Variants in SLC25A13 observed in about 807,000 individuals in gnomAD.
The protein encoded by SLC25A13 is solute carrier family 25 member 13.
Under a neutral mutation model 85.5 loss-of-function variants are expected in SLC25A13, and 70 were observed. That is an observed-to-expected ratio of 0.82 (90% CI 0.68 to 1.00). SLC25A13 has a LOEUF of 1.00. Ranked by LOEUF, SLC25A13 falls within the 50% of genes least tolerant of loss-of-function variation. SLC25A13 has a pLI of 0.00. For missense variants in SLC25A13, 765 were observed against 819.8 expected, an observed-to-expected ratio of 0.93 and a Z score of 0.82; for synonymous variants, 259 against 288.7, an observed-to-expected ratio of 0.90 and a Z score of 1.04.
At chr7:96,224,629 C>T (rs1185414048) in intron 4 of SLC25A13, among the ~76,000 whole-genome samples, 1 of 152,184 alleles carries the variant, frequency 6.6e-6, no homozygotes, top group East Asian at 1.9e-4. Context: ...ATCCAGATAG[C>T]TGGAACCAAG....
At chr7:96,291,855 A>G (rs1009960824) in intron 2 of SLC25A13, among the ~76,000 whole-genome samples, 2 of 152,234 alleles carry the variant, frequency 1.3e-5, no homozygotes, top group African/African-American at 2.4e-5. Flanking sequence ...AGGTACAAGG[A>G]GGAGCTGCTA....
At chr7:96,212,886 C>T (rs1008223341) in intron 4 of SLC25A13, among the ~76,000 whole-genome samples, 27 of 152,286 alleles carry the variant, frequency 1.8e-4, no homozygotes, top group African/African-American at 6.3e-4. Context: ...ACGAAATTTA[C>T]TTTTTACTCT....
intron 1 of SLC25A13, among the ~76,000 whole-genome samples, chr7:96,314,173 G>A (rs1323264319): frequency 6.6e-6 from 1 of 151,978 alleles, no homozygotes; most frequent in Non-Finnish European, 1.5e-5. Flanking sequence ...GGAAGAAGAA[G>A]AAGAAGCCTG....
intron 10 of SLC25A13, 168 bp from the exon 11 acceptor site, chr7:96,184,603 G>A: frequency 1.4e-6 from 1 of 701,088 alleles, no homozygotes; most frequent in South Asian, 1.9e-5. Context: ...ACAATTGAGG[G>A]TTTTCATTCA....
chr7:96,236,354 G>A (rs1796743567), intron 3 of SLC25A13, among the ~76,000 whole-genome samples: 1 of 152,048 alleles, frequency 6.6e-6, no homozygotes, highest in Admixed American at 6.5e-5. Context: ...TATGAGTCAA[G>A]CATTCCTGGC....
At chr7:96,312,960 C>G (rs997758320) in intron 1 of SLC25A13, among the ~76,000 whole-genome samples, 1 of 152,238 alleles carries the variant, frequency 6.6e-6, no homozygotes, top group Non-Finnish European at 1.5e-5. Context: ...TCTCTCCTAT[C>G]TGCCCATAAC....
intron 13 of SLC25A13, among the ~76,000 whole-genome samples, chr7:96,158,011 C>T (rs1793354898): frequency 6.6e-6 from 1 of 152,112 alleles, no homozygotes; most frequent in South Asian, 2.1e-4. Context: ...ACTGACTCAC[C>T]AAGGCTGTCT....
intron 2 of SLC25A13, among the ~76,000 whole-genome samples, chr7:96,285,523 C>T (rs1798852148): frequency 6.6e-6 from 1 of 152,134 alleles, no homozygotes; most frequent in African/African-American, 2.4e-5. Context: ...AAACGTGTTC[C>T]TTGTCGCCTC....
At chr7:96,246,497 A>G (rs1415319004) in intron 3 of SLC25A13, among the ~76,000 whole-genome samples, 1 of 143,526 alleles carries the variant, frequency 7.0e-6, no homozygotes, top group Non-Finnish European at 1.5e-5. Context: ...AGAACATGCT[A>G]TTTTCTTGCA....
At chr7:96,301,129 CT>C (rs2117004227) in intron 1 of SLC25A13, among the ~76,000 whole-genome samples, 1 of 152,272 alleles carries the variant, frequency 6.6e-6, no homozygotes, top group East Asian at 1.9e-4. Flanking sequence ...TGTAGCCACC[CT>C]TTTAAAGTCA....
chr7:96,193,893 C>T (rs924637104), intron 5 of SLC25A13, among the ~76,000 whole-genome samples: 1 of 152,172 alleles, frequency 6.6e-6, no homozygotes, highest in Non-Finnish European at 1.5e-5. Context: ...GGAGGTAAAC[C>T]TGTCATGGTA....
chr7:96,306,350 C>T lies in SLC25A13; in HGVS notation c.16-9399G>A, dbSNP rs186507202. 3.2e-3 allele frequency among the ~76,000 whole-genome samples: 484 copies of T among 152,336 alleles called. 3 individuals carry two copies. Among genetic ancestry groups the T allele is most frequent in the African/African-American group, 0.011 (458 of 41,578 alleles). On this transcript the variant is annotated intron_variant, in intron 1 of 17. Transcript: ENST00000265631. ...GGCAGGGAGCTTCCCATTTCAGATA[C>T]ACCTGTGGTTATGACAGCCCAGTGC...
chr7:96,314,932 G>A (rs1800076703), intron 1 of SLC25A13, among the ~76,000 whole-genome samples: 1 of 152,166 alleles, frequency 6.6e-6, no homozygotes, highest in African/African-American at 2.4e-5. Flanking sequence ...GGCACCACAT[G>A]GCCCTGGATG....
chr7:96,301,092 T>C (rs749687534), intron 1 of SLC25A13, among the ~76,000 whole-genome samples: 1 of 152,350 alleles, frequency 6.6e-6, no homozygotes, highest in East Asian at 1.9e-4. Context: ...GGAAGTTCTA[T>C]GAGCTGGAAA....
At chr7:96,303,448 A>G (rs1324678242) in intron 1 of SLC25A13, among the ~76,000 whole-genome samples, 4 of 152,120 alleles carry the variant, frequency 2.6e-5, no homozygotes, top group African/African-American at 9.7e-5. Flanking sequence ...CTGAGGAAAT[A>G]GTGCAGTAGA....
At chr7:96,251,503 G>T (rs1296848550) in intron 3 of SLC25A13, among the ~76,000 whole-genome samples, 2 of 152,140 alleles carry the variant, frequency 1.3e-5, no homozygotes, top group East Asian at 3.9e-4. Flanking sequence ...CCTGCGTCTG[G>T]TTATGGAGTA....
At chr7:96,262,521 T>C (rs1037697578) in intron 3 of SLC25A13, among the ~76,000 whole-genome samples, 2 of 85,818 alleles carry the variant, frequency 2.3e-5, no homozygotes, top group Non-Finnish European at 5.1e-5. Flanking sequence ...ACTCCTCAGT[T>C]TAAAAAAAAA....
intron 4 of SLC25A13, among the ~76,000 whole-genome samples, chr7:96,215,358 G>C (rs10252996): frequency 6.6e-6 from 1 of 152,154 alleles, no homozygotes; most frequent in Non-Finnish European, 1.5e-5. Flanking sequence ...GCCTCCCAAA[G>C]TGCTGGGATT....
chr7:96,137,510 A>G (rs1792336763), intron 14 of SLC25A13, among the ~76,000 whole-genome samples: 1 of 152,208 alleles, frequency 6.6e-6, no homozygotes, highest in African/African-American at 2.4e-5. Context: ...AACAATGCTC[A>G]TCACTGAGAT....
Sources: allele counts gnomAD v4.1 joint callset (sites outside exome capture counted in the v4.1 genomes callset), GRCh38; gene constraint gnomAD v4.1.1; transcripts MANE v1.5; gene names NCBI Gene and HGNC (gene_info 2026-07-23, HGNC 2026-07-21).